Variants in TERF2IP observed in about 807,000 individuals in gnomAD.
TERF2IP encodes telomeric repeat-binding factor 2-interacting protein 1.
A neutral mutation model predicts 33.3 loss-of-function variants in TERF2IP; 35 were observed. The ratio of observed to expected loss-of-function variants is 1.05; its 90% CI spans 0.80 to 1.39. TERF2IP has a LOEUF of 1.39. Among genes scored for constraint, TERF2IP ranks in the 40% most tolerant of loss-of-function variants. The pLI is 0.00. For missense variants in TERF2IP, 583 were observed against 524.8 expected, an observed-to-expected ratio of 1.11 and a Z score of -1.08; for synonymous variants, 253 against 223.2, an observed-to-expected ratio of 1.13 and a Z score of -1.19.
In TERF2IP at chr16:75,656,627, G is replaced by A. The variant is rs1419245237; in HGVS notation, c.*16G>A. ...AAAGAAATAATTGGCAAGATAATGA[G>A]AAAAGAAAAAAGTCATGGTAGGTGA... On this transcript the variant is annotated 3_prime_UTR_variant, in exon 3 of 3. Transcript: ENST00000300086. 21 of 1,570,236 alleles carry A rather than the reference G, an allele frequency of 1.3e-5. No individual in the cohort carries two copies. In the Admixed American group the frequency reaches 1.4e-4, roughly 10 times the overall value.
intron 2 of TERF2IP, 103 bp downstream of exon 2, chr16:75,654,500 TGA>T: frequency 2.4e-6 from 3 of 1,254,198 alleles, no homozygotes; most frequent in Non-Finnish European, 3.2e-6. Context: ...CTCAGGAAAG[TGA>T]GAGAGGAGTT....
rs1201551636 is a variant in TERF2IP at position 75,655,246 on chromosome 16, G to A, written c.795+849G>A. ...TGTGTACTTTGAGCTTTTTAAAAAT[G>A]TTTTAGCTCTTCCATATTCAGTCTA... On this transcript the variant is annotated intron_variant, in intron 2 of 2. Transcript: ENST00000300086. Among the ~76,000 whole-genome samples the A allele has an allele frequency of 2.0e-5, 3 of 152,276 alleles. No individual in the cohort carries two copies. In the East Asian group the frequency reaches 5.8e-4, roughly 29 times the overall value.
At chr16:75,655,945 A>G (rs1386932011) in intron 2 of TERF2IP, among the ~76,000 whole-genome samples, 1 of 152,182 alleles carries the variant, frequency 6.6e-6, no homozygotes, top group Non-Finnish European at 1.5e-5. Context: ...ATAGTCAATT[A>G]TACACACATA....
Position 75,654,339 on chromosome 16 carries a change from A to G in TERF2IP, c.737A>G (p.Asn246Ser), listed in dbSNP as rs761926764. Reference sequence around the variant, plus strand: ...TATGTGAAGGAAGAAATCCAGGAGAATGAAGAAGCAGTCAAAAAGATGCTT... The same window carrying G: ...TATGTGAAGGAAGAAATCCAGGAGAGTGAAGAAGCAGTCAAAAAGATGCTT... Reference protein sequence around the residue: ...EEYVKEEIQENEEAVKKMLVE... With the variant: ...EEYVKEEIQESEEAVKKMLVE... The change falls in exon 2 of 3, where the codon AAT becomes AGT. Residue 246 changes from asparagine to serine, a missense_variant. Coordinates refer to ENST00000300086, the MANE Select transcript of TERF2IP (RefSeq NM_018975.4). 6.2e-7 allele frequency: 1 copy of G among 1,613,998 alleles called. No homozygotes were observed. Among genetic ancestry groups the G allele is most frequent in the East Asian group, 2.2e-5 (1 of 44,858 alleles).
rs2082395000 is a variant in TERF2IP at position 75,657,380 on chromosome 16, C to G, written c.*769C>G. 6.6e-6 allele frequency: 1 copy of G among 152,128 alleles called. No individual in the cohort carries two copies. Among genetic ancestry groups the G allele is most frequent in the African/African-American group, 2.4e-5 (1 of 41,408 alleles). The allele number at this position is 152,128 out of a possible 1,614,324, so 9.4% of individuals were successfully genotyped here. On this transcript the variant is annotated 3_prime_UTR_variant, in exon 3 of 3. Transcript: ENST00000300086. ...GATTTAAAAAATTAGTGGATTGACT[C>G]CACTTTGTTGTGTTGTTTTCATTGT...
chr16:75,649,632 A>G (rs945223312), intron 1 of TERF2IP, among the ~76,000 whole-genome samples: 3 of 151,992 alleles, frequency 2.0e-5, no homozygotes, highest in African/African-American at 7.3e-5. Flanking sequence ...GAGATATTCC[A>G]CAGACTCCTT....
At chr16:75,649,265 C>T (rs771382857) in intron 1 of TERF2IP, among the ~76,000 whole-genome samples, 11 of 152,144 alleles carry the variant, frequency 7.2e-5, no homozygotes, top group Admixed American at 1.3e-4. Context: ...CTCTCTTGGC[C>T]GGGCGCGGCG....
Position 75,656,721 on chromosome 16 carries a change from T to G in TERF2IP, c.*110T>G, listed in dbSNP as rs572338846. The stretch of plus-strand genomic sequence containing the variant: ...TGCATTGGAACTGGCACTTATTTTC[T>G]GACCATCGCTGCTGTTGCTCTGTGA... On this transcript the variant is annotated 3_prime_UTR_variant, in exon 3 of 3. Coordinates refer to ENST00000300086, the MANE Select transcript of TERF2IP (RefSeq NM_018975.4). The G allele has an allele frequency of 9.9e-7, 1 of 1,013,382 alleles. No homozygotes were observed. Among genetic ancestry groups the G allele is most frequent in the East Asian group, 2.5e-5 (1 of 39,258 alleles). The allele number at this position is 1,013,382 out of a possible 1,614,324, so 62.8% of individuals were successfully genotyped here. A position where few individuals can be genotyped will look rare whatever the true frequency, so the allele number is the denominator to read the frequency against.
At position 75,647,922 on chromosome 16, in the gene TERF2IP, C is replaced by T. The variant is rs756904223; in HGVS notation, c.40C>T (p.Pro14Ser). 4 of 1,611,554 alleles carry T rather than the reference C, an allele frequency of 2.5e-6. No homozygotes were observed. In the South Asian group the frequency reaches 3.3e-5, roughly 13 times the overall value. The change falls in exon 1 of 3, where the codon CCC becomes TCC. Residue 14 changes from proline (P) to serine (S), a missense_variant. Coordinates refer to ENST00000300086, the MANE Select transcript of TERF2IP (RefSeq NM_018975.4). ...GGATTTGGGCAAAGACCCCAACGGG[C>T]CCACCCATTCCTCGACTCTGTTCGT... ...AMDLGKDPNGPTHSSTLFVRD... is the reference protein window; with the variant it reads ...AMDLGKDPNGSTHSSTLFVRD...
chr16:75,654,963 C>CGT (rs1406383595), intron 2 of TERF2IP, among the ~76,000 whole-genome samples: 2 of 152,080 alleles, frequency 1.3e-5, no homozygotes, highest in Non-Finnish European at 2.9e-5. Context: ...CTCCTGACCT[C>CGT]GTGATCCGCC....
chr16:75,649,279 C>T (rs1365690135), intron 1 of TERF2IP, among the ~76,000 whole-genome samples: 1 of 152,224 alleles, frequency 6.6e-6, no homozygotes, highest in Non-Finnish European at 1.5e-5. Flanking sequence ...CGCGGCGGCT[C>T]AAGCTTGTAA....
chr16:75,654,401 T>C lies in TERF2IP; in HGVS notation c.795+4T>C. The C allele has an allele frequency of 1.2e-6, 2 of 1,612,064 alleles. No homozygotes were observed. Among genetic ancestry groups the C allele is most frequent in the Non-Finnish European group, 1.7e-6 (2 of 1,178,702 alleles). On this transcript the variant is annotated splice_donor_region_variant and intron_variant, in intron 2 of 2. Transcript: ENST00000300086. ...CCGGGAGTTTGAGGAGGTTGTGGTA[T>C]GTTAACTAGATTTACTCATTATTTT...
At position 75,654,148 on chromosome 16, in the gene TERF2IP, T is replaced by TAC; in HGVS notation, c.671-124_671-123insCA. The TAC allele has an allele frequency of 2.1e-5, 6 of 289,728 alleles. No homozygotes were observed. The East Asian group carries it at 3.8e-4, about 19-fold the overall frequency. 17.9% of individuals were successfully genotyped at this position (289,728 alleles called of 1,614,324 possible). On this transcript the variant is annotated intron_variant, in intron 1 of 2. Transcript: ENST00000300086. ...ATCAAGAACAGATGTCTTCTGATAG[T>TAC]AAAAAAAAAAAAAAAAAAAAAAAAA...
At chr16:75,652,641 A>G (rs141246745) in intron 1 of TERF2IP, among the ~76,000 whole-genome samples, 7 of 152,366 alleles carry the variant, frequency 4.6e-5, no homozygotes, top group Admixed American at 4.6e-4. Flanking sequence ...TATTAAATAC[A>G]TACAGTAAAA....
At chr16:75,654,153 A>AAC in intron 1 of TERF2IP, 120 bp from the exon 2 acceptor site, 1 of 585,574 alleles carries the variant, frequency 1.7e-6, no homozygotes, top group East Asian at 5.2e-5. Flanking sequence ...GATAGTAAAA[A>AAC]AAAAAAAAAA....
Position 75,654,311 on chromosome 16 carries a change from G to T in TERF2IP, c.709G>T (p.Glu237Ter). 6.2e-7 allele frequency: 1 copy of T among 1,613,954 alleles called. No homozygotes were observed. The highest frequency in any genetic ancestry group is 8.5e-7 in the Non-Finnish European group (1 of 1,179,904). The part of the protein sequence containing the change: ...NKRTPDLPEE[E>*]YVKEEIQENE... ...GAGAACTCCAGATTTGCCTGAAGAA[G>T]AGTATGTGAAGGAAGAAATCCAGGA... Residue 237 changes from glutamate to a stop codon, truncating the protein, a stop_gained, in exon 2 of 3, where the codon GAG becomes TAG. Coordinates refer to ENST00000300086, the MANE Select transcript of TERF2IP (RefSeq NM_018975.4). LOFTEE classifies it high-confidence loss of function.
Position 75,647,950 on chromosome 16 carries a change from G to C in TERF2IP, c.68G>C (p.Arg23Thr). The C allele has an allele frequency of 6.2e-7, 1 of 1,613,704 alleles. No individual in the cohort carries two copies. The highest frequency in any genetic ancestry group is 8.5e-7 in the Non-Finnish European group (1 of 1,179,742). Residue 23 changes from arginine (R) to threonine (T), a missense_variant, in exon 1 of 3, where the codon AGG (arginine) becomes ACG (threonine). By Grantham distance (71) the Arg-to-Thr change is moderately conservative (BLOSUM62 -1). Coordinates refer to ENST00000300086, the MANE Select transcript of TERF2IP (RefSeq NM_018975.4). Reference protein sequence around the residue: ...GPTHSSTLFVRDDGSSMSFYV... With the variant: ...GPTHSSTLFVTDDGSSMSFYV... ...ACCCATTCCTCGACTCTGTTCGTGA[G>C]GGACGACGGCAGCTCCATGTCCTTC...
intron 1 of TERF2IP, among the ~76,000 whole-genome samples, chr16:75,651,761 C>A (rs753473152): frequency 4.1e-4 from 62 of 152,090 alleles, no homozygotes; most frequent in Admixed American, 1.1e-3. Flanking sequence ...TATACTTTGA[C>A]CCATGAGACC....
At position 75,654,311 on chromosome 16, in the gene TERF2IP, G is replaced by C. The variant is rs1476948451; in HGVS notation, c.709G>C (p.Glu237Gln). 3.1e-6 allele frequency: 5 copies of C among 1,613,836 alleles called. No individual in the cohort carries two copies. The highest frequency in any genetic ancestry group is 3.3e-4 in the Middle Eastern group (2 of 6,084). Reference protein sequence around the residue: ...NKRTPDLPEEEYVKEEIQENE... With the variant: ...NKRTPDLPEEQYVKEEIQENE... ...GAGAACTCCAGATTTGCCTGAAGAA[G>C]AGTATGTGAAGGAAGAAATCCAGGA... is the stretch of plus-strand genomic sequence containing the variant. The change falls in exon 2 of 3, where the codon GAG becomes CAG. Residue 237 changes from glutamate (E) to glutamine (Q), a missense_variant. Coordinates refer to ENST00000300086, the MANE Select transcript of TERF2IP (RefSeq NM_018975.4).
Sources: allele counts gnomAD v4.1 joint callset (sites outside exome capture counted in the v4.1 genomes callset), GRCh38; gene constraint gnomAD v4.1.1; transcripts MANE v1.5; gene names NCBI Gene and HGNC (gene_info 2026-07-23, HGNC 2026-07-21).